Variants in PLEKHD1 observed in about 807,000 individuals in gnomAD.
The protein encoded by PLEKHD1 is pleckstrin homology domain-containing family D member 1.
In PLEKHD1, 51 loss-of-function variants were observed where a neutral mutation model predicts 69.2. The observed-to-expected ratio is 0.74, with a 90% confidence interval of 0.59 to 0.93. The LOEUF (loss-of-function observed/expected upper bound fraction) is 0.93, where lower values mean the gene tolerates loss of function less well. Among genes scored for constraint, PLEKHD1 ranks in the 40% least tolerant of loss-of-function variants. The pLI is 0.00. For synonymous variants in PLEKHD1, 236 were observed against 244.7 expected (o/e 0.96, Z 0.33); for missense variants, 584 against 641.0 (o/e 0.91, Z 0.96).
intron 1 of PLEKHD1, among the ~76,000 whole-genome samples, chr14:69,497,196 G>A (rs1022987708): frequency 1.3e-5 from 2 of 152,216 alleles, no homozygotes; most frequent in African/African-American, 4.8e-5. Flanking sequence ...TAAGGTAGTT[G>A]TTATTATCCC....
chr14:69,472,070 G>A, the PLEKHD1 span, among the ~76,000 whole-genome samples: 8 of 152,084 alleles, frequency 5.3e-5, no homozygotes, highest in Non-Finnish European at 8.8e-5. Context: ...TCAACGACCC[G>A]TGCTGAGTCA....
At chr14:69,511,302 G>T (rs1321081282) in intron 6 of PLEKHD1, among the ~76,000 whole-genome samples, 1 of 152,048 alleles carries the variant, frequency 6.6e-6, no homozygotes. Context: ...GGGATTAAAG[G>T]TATGTGCCAC....
At position 69,524,336 on chromosome 14, in the gene PLEKHD1, G is replaced by A. The variant is rs986897171; in HGVS notation, c.744+14G>A. Reference sequence around the variant, plus strand: ...CAGACACTGGAGGTGAGGGGCTGCTGGTGGGTTAGTTGACCAGGTGGCAGG... The same window carrying A: ...CAGACACTGGAGGTGAGGGGCTGCTAGTGGGTTAGTTGACCAGGTGGCAGG... On this transcript the variant is annotated intron_variant, in intron 8 of 12. Transcript: ENST00000322564. 3 of 1,549,796 alleles carry A rather than the reference G, an allele frequency of 1.9e-6. No homozygotes were observed. Among genetic ancestry groups the A allele is most frequent in the Non-Finnish European group, 2.6e-6 (3 of 1,145,604 alleles).
At chr14:69,475,711 G>A in the PLEKHD1 span, among the ~76,000 whole-genome samples, 1 of 152,166 alleles carries the variant, frequency 6.6e-6, no homozygotes, top group South Asian at 2.1e-4. Context: ...CTACTCCCCA[G>A]CGCACCCAGA....
At chr14:69,522,975 C>T (rs1883554596) in intron 7 of PLEKHD1, among the ~76,000 whole-genome samples, 1 of 151,890 alleles carries the variant, frequency 6.6e-6, no homozygotes, top group African/African-American at 2.4e-5. Context: ...ACTCTGTCAC[C>T]CAGGCTGGAG....
rs754066415 is a variant in PLEKHD1, at chr14:69,528,377, C to T, written c.1479C>T (p.Thr493=). 1 of 1,551,546 alleles carries T rather than the reference C, an allele frequency of 6.4e-7. No individual in the cohort carries two copies. Among genetic ancestry groups the T allele is most frequent in the Non-Finnish European group, 8.7e-7 (1 of 1,146,990 alleles). The change falls in exon 13 of 13, where the codon ACC becomes ACT. Residue 493 remains threonine, a synonymous_variant. Transcript: ENST00000322564. ...AATCCATCTACCACATCATGGCCAC[C>T]CAGCCTGGAGCCCCCTCGGCACTCT... ...FRESIYHIMA[T]QPGAPSALSR... is the part of the protein sequence containing the mutation.
chr14:69,474,962 C>G, the PLEKHD1 span, among the ~76,000 whole-genome samples: 1 of 152,084 alleles, frequency 6.6e-6, no homozygotes, highest in African/African-American at 2.4e-5. Context: ...CTCAGTTGAT[C>G]CTCCCACCTC....
chr14:69,498,038 TTTTATTTTATTTTATTTTA>T (rs1310596467), intron 1 of PLEKHD1, among the ~76,000 whole-genome samples: 4 of 140,526 alleles, frequency 2.8e-5, no homozygotes, highest in Non-Finnish European at 4.6e-5. Flanking sequence ...TTTTGTTTTA[TTTTATTTTATTTTATTTTA>T]TTTATTTTAT....
the PLEKHD1 span, among the ~76,000 whole-genome samples, chr14:69,470,298 A>G: frequency 6.6e-6 from 1 of 151,730 alleles, no homozygotes; most frequent in Admixed American, 6.6e-5. Flanking sequence ...CCCCATCTCT[A>G]CTAAAACTAC....
At chr14:69,506,634 A>G (rs1173224259) in intron 6 of PLEKHD1, among the ~76,000 whole-genome samples, 2 of 152,230 alleles carry the variant, frequency 1.3e-5, no homozygotes, top group Admixed American at 6.5e-5. Context: ...GATTTTCCAC[A>G]TAACACTTGT....
chr14:69,494,917 A>T (rs2139499021), intron 1 of PLEKHD1, among the ~76,000 whole-genome samples: 1 of 152,256 alleles, frequency 6.6e-6, no homozygotes, highest in East Asian at 1.9e-4. Flanking sequence ...TTGCCAGGTG[A>T]GCCCTCCGTT....
intron 7 of PLEKHD1, among the ~76,000 whole-genome samples, chr14:69,523,903 T>C (rs1429428667): frequency 6.6e-6 from 1 of 152,192 alleles, no homozygotes; most frequent in African/African-American, 2.4e-5. Context: ...TTCTAGCAAG[T>C]GCTGTCCAGA....
At chr14:69,494,290 C>A (rs1418986950) in intron 1 of PLEKHD1, among the ~76,000 whole-genome samples, 1 of 152,092 alleles carries the variant, frequency 6.6e-6, no homozygotes, top group East Asian at 1.9e-4. Context: ...GTAACTTGCC[C>A]CAGTCACATT....
chr14:69,511,561 T>C (rs1308422839), intron 6 of PLEKHD1, among the ~76,000 whole-genome samples: 6 of 152,256 alleles, frequency 3.9e-5, no homozygotes, highest in Non-Finnish European at 8.8e-5. Context: ...CTTTTTTTTC[T>C]TTTTTTGAGA....
At chr14:69,525,725 C>A (rs1883630173) in intron 8 of PLEKHD1, among the ~76,000 whole-genome samples, 1 of 152,182 alleles carries the variant, frequency 6.6e-6, no homozygotes. Context: ...CACTGGAAGG[C>A]ACTTTGGGTT....
upstream of PLEKHD1, among the ~76,000 whole-genome samples, chr14:69,483,192 G>C (rs1882577849): frequency 1.3e-5 from 2 of 152,118 alleles, no homozygotes; most frequent in African/African-American, 4.8e-5. Context: ...GGCACTTCTT[G>C]ACAGTGAGCA....
chr14:69,510,519 T>C (rs946559906), intron 6 of PLEKHD1, among the ~76,000 whole-genome samples: 3 of 152,132 alleles, frequency 2.0e-5, no homozygotes, highest in Non-Finnish European at 4.4e-5. Context: ...CAAGACCCTA[T>C]CTTCAAAAGA....
intron 6 of PLEKHD1, among the ~76,000 whole-genome samples, chr14:69,516,199 C>T (rs7156458): frequency 0.016 from 2,506 of 152,282 alleles, 67 homozygotes; most frequent in African/African-American, 0.055. Flanking sequence ...AACTGAAGTT[C>T]TTCCGTTCTC....
chr14:69,479,026 A>G, the PLEKHD1 span, among the ~76,000 whole-genome samples: 3 of 152,220 alleles, frequency 2.0e-5, no homozygotes, highest in Non-Finnish European at 4.4e-5. Context: ...TGGGCAATTT[A>G]CAAAAGAAAG....
Sources: gnomAD v4.1 joint callset for allele counts (sites outside exome capture counted in the v4.1 genomes callset) on GRCh38, gnomAD v4.1.1 for gene constraint, MANE v1.5 for transcripts, NCBI Gene and HGNC (gene_info 2026-07-23, HGNC 2026-07-21) for gene names.